The following RTN1 variants were observed in gnomAD, a reference collection of about 807,000 sequenced individuals.
RTN1 encodes reticulon-1.
A neutral mutation model predicts 65.5 loss-of-function variants in RTN1; 25 were observed. The ratio of observed to expected loss-of-function variants is 0.38; its 90% CI spans 0.28 to 0.53. The LOEUF (loss-of-function observed/expected upper bound fraction) is 0.53, where lower values mean the gene tolerates loss of function less well. Among genes scored for constraint, RTN1 ranks in the 20% least tolerant of loss-of-function variants. RTN1 has a pLI of 0.79. For synonymous variants in RTN1, 471 were observed against 447.6 expected (o/e 1.05, Z -0.66); for missense variants, 983 against 1,025.4 (o/e 0.96, Z 0.57).
chr14:59,698,049 A>G (rs966237102), intron 3 of RTN1, among the ~76,000 whole-genome samples: 2 of 152,210 alleles, frequency 1.3e-5, no homozygotes, highest in Non-Finnish European at 2.9e-5. Flanking sequence ...TTAATATGAA[A>G]GTGATCTTTT....
intron 3 of RTN1, among the ~76,000 whole-genome samples, chr14:59,614,966 A>G (rs1398139529): frequency 6.6e-6 from 1 of 152,218 alleles, no homozygotes; most frequent in Non-Finnish European, 1.5e-5. Context: ...ATGGGAATAT[A>G]GCTTTTGTTA....
At chr14:59,701,917 A>G (rs1172797489) in intron 3 of RTN1, among the ~76,000 whole-genome samples, 2 of 152,206 alleles carry the variant, frequency 1.3e-5, no homozygotes, top group African/African-American at 4.8e-5. Flanking sequence ...ATTCTTACGT[A>G]GTTATCTGTG....
intron 8 of RTN1, among the ~76,000 whole-genome samples, chr14:59,597,455 A>C (rs555123088): frequency 6.6e-6 from 1 of 152,360 alleles, no homozygotes; most frequent in African/African-American, 2.4e-5. Context: ...ACAGGTTTAC[A>C]CTGGAAGTGT....
At chr14:59,639,965 G>A (rs1882742808) in intron 3 of RTN1, among the ~76,000 whole-genome samples, 1 of 152,020 alleles carries the variant, frequency 6.6e-6, no homozygotes, top group Non-Finnish European at 1.5e-5. Flanking sequence ...TATCCATATT[G>A]AAGAAATATT....
chr14:59,823,398 A>G (rs945695103), intron 1 of RTN1, among the ~76,000 whole-genome samples: 11 of 151,754 alleles, frequency 7.2e-5, no homozygotes, highest in African/African-American at 2.4e-4. Flanking sequence ...CTTTGAGCCT[A>G]TGGGTGTCAC....
intron 1 of RTN1, among the ~76,000 whole-genome samples, chr14:59,764,836 C>T (rs1351335050): frequency 1.3e-5 from 2 of 152,084 alleles, no homozygotes; most frequent in Non-Finnish European, 2.9e-5. Context: ...CAGGGCCATA[C>T]TTACATTTCA....
chr14:59,779,941 A>G (rs1886122672), intron 1 of RTN1, among the ~76,000 whole-genome samples: 1 of 152,204 alleles, frequency 6.6e-6, no homozygotes, highest in Non-Finnish European at 1.5e-5. Flanking sequence ...ATAGCAGGGC[A>G]GGAAATTAAG....
At chr14:59,622,066 T>A (rs1882268577) in intron 3 of RTN1, among the ~76,000 whole-genome samples, 1 of 152,206 alleles carries the variant, frequency 6.6e-6, no homozygotes, top group African/African-American at 2.4e-5. Flanking sequence ...CCAGGCCCAG[T>A]GGCTCACACC....
chr14:59,819,991 C>G (rs1034075948), intron 1 of RTN1, among the ~76,000 whole-genome samples: 5 of 152,204 alleles, frequency 3.3e-5, no homozygotes, highest in African/African-American at 9.6e-5. Flanking sequence ...CAGGGGCTCT[C>G]ACAGTGCAGC....
chr14:59,659,968 C>G (rs980778154), intron 3 of RTN1, among the ~76,000 whole-genome samples: 4 of 152,024 alleles, frequency 2.6e-5, no homozygotes, highest in Non-Finnish European at 5.9e-5. Flanking sequence ...GAGTCGAAAC[C>G]CATCACTGTG....
intron 3 of RTN1, among the ~76,000 whole-genome samples, chr14:59,615,735 G>A (rs1445198392): frequency 6.6e-6 from 1 of 152,136 alleles, no homozygotes; most frequent in Non-Finnish European, 1.5e-5. Context: ...TGATTTTTAT[G>A]TAATGTTAAA....
At position 59,825,593 on chromosome 14, in the gene RTN1, C is replaced by A. The variant is rs949854374; in HGVS notation, c.241+44797G>T. Among the ~76,000 whole-genome samples the A allele has an allele frequency of 1.4e-4, 21 of 152,220 alleles. No homozygotes were observed. Among genetic ancestry groups the A allele is most frequent in the Admixed American group, 1.4e-3 (21 of 15,280 alleles). ...GGACTTCCAGCTGGCCACAGCAGGG[C>A]CTTCTCCCAGAAGCACCCCTGCTGG... On this transcript the variant is annotated intron_variant, in intron 1 of 8. Coordinates refer to ENST00000267484, the MANE Select transcript of RTN1 (RefSeq NM_021136.3). The surrounding 1 kb of genome is among the most constrained non-coding windows in gnomAD (Gnocchi z 4.2).
intron 1 of RTN1, among the ~76,000 whole-genome samples, chr14:59,822,601 T>C (rs139145228): frequency 1.3e-5 from 2 of 152,336 alleles, no homozygotes; most frequent in Non-Finnish European, 2.9e-5. Flanking sequence ...GGTGTGATGT[T>C]AGCTTGTTAA....
chr14:59,841,493 C>T (rs1887310848), intron 1 of RTN1, among the ~76,000 whole-genome samples: 1 of 152,008 alleles, frequency 6.6e-6, no homozygotes, highest in Non-Finnish European at 1.5e-5. Context: ...GTCAGGAGTT[C>T]GAGACCAGCC....
intron 3 of RTN1, among the ~76,000 whole-genome samples, chr14:59,665,325 C>T (rs1355560405): frequency 6.6e-6 from 1 of 152,180 alleles, no homozygotes; most frequent in Admixed American, 6.5e-5. Flanking sequence ...CCCAGAATTT[C>T]ATAACCAGCC....
intron 3 of RTN1, among the ~76,000 whole-genome samples, chr14:59,692,205 C>G (rs1164917666): frequency 6.6e-6 from 1 of 152,200 alleles, no homozygotes; most frequent in African/African-American, 2.4e-5. Flanking sequence ...CAAAAGACTT[C>G]TGGAACTGAT....
intron 8 of RTN1, 74 bp from the exon 9 acceptor site, chr14:59,596,861 A>G (rs1881417264): frequency 3.3e-5 from 38 of 1,158,420 alleles, no homozygotes; most frequent in Non-Finnish European, 4.6e-5. Context: ...TGTTGCTTTA[A>G]TTAGCTAAGT....
chr14:59,744,611 T>C (rs1885178622), intron 2 of RTN1, among the ~76,000 whole-genome samples: 1 of 152,310 alleles, frequency 6.6e-6, no homozygotes, highest in African/African-American at 2.4e-5. Flanking sequence ...GTTTCAAAAA[T>C]AAAATTATAT....
chr14:59,613,927 G>C (rs1280819753), intron 3 of RTN1, among the ~76,000 whole-genome samples: 1 of 152,112 alleles, frequency 6.6e-6, no homozygotes, highest in African/African-American at 2.4e-5. Context: ...TTGAGTTTTG[G>C]GGGTATCAGA....
Sources: gnomAD v4.1 joint callset for allele counts (sites outside exome capture counted in the v4.1 genomes callset) on GRCh38, gnomAD v4.1.1 for gene constraint, Gnocchi (gnomAD v3.1) non-coding constraint, MANE v1.5 for transcripts, NCBI Gene and HGNC (gene_info 2026-07-23, HGNC 2026-07-21) for gene names.